EIF2B3: variants seen among roughly 807,000 people sequenced by gnomAD.
EIF2B3 encodes the protein translation initiation factor eIF2B subunit gamma.
Under a neutral mutation model 54.1 loss-of-function variants are expected in EIF2B3, and 20 were observed. The observed-to-expected ratio is 0.37, with a 90% confidence interval of 0.26 to 0.54. The LOEUF is 0.54. EIF2B3 is among the 20% of genes least tolerant of loss of function. The pLI, the probability that EIF2B3 is intolerant of heterozygous loss-of-function variation, is 0.86. For synonymous variants in EIF2B3, 153 were observed against 188.1 expected, an observed-to-expected ratio of 0.81 and a Z score of 1.52; for missense variants, 448 against 547.8, an observed-to-expected ratio of 0.82 and a Z score of 1.82.
At chr1:44,940,107 T>C (rs1644003696) in intron 4 of EIF2B3, among the ~76,000 whole-genome samples, 1 of 152,172 alleles carries the variant, frequency 6.6e-6, no homozygotes. Flanking sequence ...CAAGTTTCAA[T>C]GTTATACTGG....
intron 3 of EIF2B3, among the ~76,000 whole-genome samples, chr1:44,967,321 C>G (rs1045141642): frequency 6.6e-6 from 1 of 151,542 alleles, no homozygotes; most frequent in African/African-American, 2.4e-5. Flanking sequence ...GTGGCTCACA[C>G]CTGTAGTCCC....
At chr1:44,937,670 T>C (rs1569781586) in intron 4 of EIF2B3, among the ~76,000 whole-genome samples, 5 of 150,906 alleles carry the variant, frequency 3.3e-5, no homozygotes, top group African/African-American at 1.2e-4. Context: ...GATCACGAGG[T>C]CAGGAGATCG....
chr1:44,926,456 C>G (rs1356609455), intron 5 of EIF2B3, among the ~76,000 whole-genome samples, 172 bp downstream of exon 5: 1 of 152,100 alleles, frequency 6.6e-6, no homozygotes, highest in African/African-American at 2.4e-5. Flanking sequence ...GGGAAACAGG[C>G]TTATGCAGTG....
At chr1:44,942,590 G>A (rs1236069428) in intron 3 of EIF2B3, among the ~76,000 whole-genome samples, 1 of 148,100 alleles carries the variant, frequency 6.8e-6, no homozygotes, top group Non-Finnish European at 1.5e-5. Context: ...ACCACACTTG[G>A]CTAATTTTTA....
Position 44,941,593 on chromosome 1 carries a change from C to A in EIF2B3, c.367G>T (p.Ala123Ser). The A allele has an allele frequency of 6.2e-7, 1 of 1,614,088 alleles. No homozygotes were observed. The highest frequency in any genetic ancestry group is 8.5e-7 in the Non-Finnish European group (1 of 1,180,008). ...ALHEVVDLFR[A>S]YDASLAMLMR... ...AACATAGCAAGTGATGCATCATAAGCTCTAAACAGGTCCACAACCTCATGT... is the reference window on the plus strand; with the variant it reads ...AACATAGCAAGTGATGCATCATAAGATCTAAACAGGTCCACAACCTCATGT... The change falls in exon 4 of 12, where the codon GCT becomes TCT. Residue 123 changes from alanine to serine, a missense_variant. Transcript: ENST00000360403.
At chr1:44,861,787 T>TCA (rs1654615680) in intron 10 of EIF2B3, among the ~76,000 whole-genome samples, 1 of 152,114 alleles carries the variant, frequency 6.6e-6, no homozygotes, top group Admixed American at 6.5e-5. Flanking sequence ...AGGCTCCTGG[T>TCA]AAGTGGATCT....
chr1:44,911,134 T>A (rs985819778), intron 5 of EIF2B3, among the ~76,000 whole-genome samples: 1 of 152,236 alleles, frequency 6.6e-6, no homozygotes, highest in African/African-American at 2.4e-5. Flanking sequence ...TGTATTCTCA[T>A]AATCAGAAAG....
At chr1:44,932,467 T>C (rs1374641108) in intron 4 of EIF2B3, 2 of 152,138 alleles carry the variant, frequency 1.3e-5, no homozygotes, top group African/African-American at 4.8e-5. Flanking sequence ...TGTGAGACCT[T>C]TGTCAAAGAA....
In EIF2B3 at chr1:44,897,464, A is replaced by AAAAG; in HGVS notation, c.567-24_567-21dup. The AAAAG allele has an allele frequency of 6.4e-7, 1 of 1,566,616 alleles. No homozygotes were observed. Among genetic ancestry groups the AAAAG allele is most frequent in the Non-Finnish European group, 8.7e-7 (1 of 1,150,024 alleles). On this transcript the variant is annotated intron_variant, in intron 5 of 11. Transcript: ENST00000360403. The stretch of plus-strand genomic sequence containing the variant: ...GGATGCCTGCAAAAAAATAAAAAAT[A>AAAAG]AAAGAAAGAAAGAAGAGGCTCACAA...
chr1:44,879,714 C>G, intron 8 of EIF2B3, 104 bp downstream of exon 8: 1 of 1,342,926 alleles, frequency 7.4e-7, no homozygotes. Context: ...TTGGGAATGA[C>G]AGGGATTCTT....
chr1:44,973,159 A>G (rs1644419363), intron 3 of EIF2B3, among the ~76,000 whole-genome samples: 2 of 152,262 alleles, frequency 1.3e-5, no homozygotes, highest in South Asian at 4.1e-4. Flanking sequence ...AAAAAATTAA[A>G]CACAGAAATA....
chr1:44,864,518 T>A (rs571502031), intron 10 of EIF2B3, among the ~76,000 whole-genome samples: 3 of 152,288 alleles, frequency 2.0e-5, no homozygotes, highest in African/African-American at 7.2e-5. Flanking sequence ...GCCAAGATCA[T>A]GCCACTGCAC....
At chr1:44,851,031 T>G in intron 11 of EIF2B3, 28 bp from the exon 12 acceptor site, 2 of 1,610,876 alleles carry the variant, frequency 1.2e-6, no homozygotes, top group Non-Finnish European at 1.7e-6. Flanking sequence ...AAAAGTTTTC[T>G]GAGAACTGGC....
At chr1:44,983,673 A>G (rs1394329934) in intron 1 of EIF2B3, among the ~76,000 whole-genome samples, 1 of 151,798 alleles carries the variant, frequency 6.6e-6, no homozygotes, top group African/African-American at 2.4e-5. Context: ...GGAGTTCAAG[A>G]GCAGCCTGGC....
intron 5 of EIF2B3, among the ~76,000 whole-genome samples, chr1:44,923,356 A>T (rs1468828170): frequency 6.6e-6 from 1 of 152,218 alleles, no homozygotes; most frequent in Non-Finnish European, 1.5e-5. Context: ...TTCTACTCTC[A>T]TATTTGATTG....
intron 11 of EIF2B3, among the ~76,000 whole-genome samples, chr1:44,851,210 G>A (rs1003351672): frequency 7.2e-5 from 11 of 151,846 alleles, no homozygotes; most frequent in African/African-American, 2.4e-4. Flanking sequence ...GATTACAGGC[G>A]CCCGCCACCA....
intron 10 of EIF2B3, among the ~76,000 whole-genome samples, chr1:44,867,988 T>C (rs1029213372): frequency 6.6e-6 from 1 of 151,818 alleles, no homozygotes; most frequent in Non-Finnish European, 1.5e-5. Context: ...CAGTAAGTCA[T>C]GATTGCGCCA....
At chr1:44,952,198 C>T (rs1362324543) in intron 3 of EIF2B3, among the ~76,000 whole-genome samples, 3 of 139,800 alleles carry the variant, frequency 2.1e-5, no homozygotes, top group African/African-American at 8.1e-5. Context: ...CTCCTGACCT[C>T]GTGATCCGCC....
At chr1:44,947,496 T>C (rs539908772) in intron 3 of EIF2B3, among the ~76,000 whole-genome samples, 1 of 152,268 alleles carries the variant, frequency 6.6e-6, no homozygotes, top group East Asian at 1.9e-4. Context: ...TGTGTGTGTG[T>C]GTGGCTGTAG....
Sources: allele counts gnomAD v4.1 joint callset (sites outside exome capture counted in the v4.1 genomes callset), GRCh38; gene constraint gnomAD v4.1.1; transcripts MANE v1.5; gene names NCBI Gene and HGNC (gene_info 2026-07-23, HGNC 2026-07-21).